The following ABCA6 variants were observed in gnomAD, a reference collection of about 807,000 sequenced individuals.
The protein encoded by ABCA6 is ATP binding cassette subfamily A member 6.
Under a neutral mutation model 191.2 loss-of-function variants are expected in ABCA6, and 164 were observed. That is an observed-to-expected ratio of 0.86 (90% CI 0.76 to 0.98). The LOEUF (loss-of-function observed/expected upper bound fraction) is 0.98. Among genes scored for constraint, ABCA6 ranks in the 50% least tolerant of loss-of-function variants. The pLI is 0.00. For missense variants in ABCA6, 1,958 were observed against 1,894.1 expected, an observed-to-expected ratio of 1.03 and a Z score of -0.63; for synonymous variants, 636 against 647.7, an observed-to-expected ratio of 0.98 and a Z score of 0.27.
intron 10 of ABCA6, among the ~76,000 whole-genome samples, chr17:69,121,364 G>A (rs936551111): frequency 1.3e-5 from 2 of 152,106 alleles, no homozygotes; most frequent in African/African-American, 4.8e-5. Flanking sequence ...TGCCATTAAA[G>A]AGCTACAACA....
intron 26 of ABCA6, among the ~76,000 whole-genome samples, chr17:69,090,263 A>G (rs563843887): frequency 6.6e-6 from 1 of 152,328 alleles, no homozygotes; most frequent in Non-Finnish European, 1.5e-5. Flanking sequence ...CCTTAAAGCC[A>G]TTTCATCCAG....
intron 8 of ABCA6, among the ~76,000 whole-genome samples, chr17:69,126,752 C>T (rs1441561849): frequency 2.6e-5 from 4 of 152,106 alleles, no homozygotes; most frequent in African/African-American, 7.2e-5. Context: ...CTATTTTCTT[C>T]GAACTGATCG....
At chr17:69,128,511 A>C (rs2073796593) in intron 8 of ABCA6, 108 bp downstream of exon 8, 4 of 773,112 alleles carry the variant, frequency 5.2e-6, no homozygotes, top group Non-Finnish European at 7.4e-6. Context: ...ACTTTAGAAA[A>C]ATTGTTTAGA....
At chr17:69,131,949 A>G (rs1024090521) in intron 6 of ABCA6, among the ~76,000 whole-genome samples, 4 of 152,116 alleles carry the variant, frequency 2.6e-5, no homozygotes, top group Admixed American at 2.0e-4. Context: ...TTCCCTCCTA[A>G]CAGACTCCAT....
chr17:69,084,600 G>T, intron 32 of ABCA6, 93 bp from the exon 33 acceptor site: 6 of 1,100,200 alleles, frequency 5.5e-6, no homozygotes, highest in South Asian at 4.3e-5. Context: ...GGGAAGTTTA[G>T]TAATATTATT....
chr17:69,082,928 T>G lies in ABCA6; in HGVS notation c.4561A>C (p.Thr1521Pro). 6.2e-7 allele frequency: 1 copy of G among 1,614,174 alleles called. No individual in the cohort carries two copies. Among genetic ancestry groups the G allele is most frequent in the Non-Finnish European group, 8.5e-7 (1 of 1,180,004 alleles). The change falls in exon 36 of 39, where the codon ACT becomes CCT. Residue 1521 changes from threonine to proline, a missense_variant. Coordinates refer to ENST00000284425, the MANE Select transcript of ABCA6 (RefSeq NM_080284.3). ...ELKVKETSQV[T>P]LVHTEILKLF... ...TTCAGAATCTCAGTGTGGACCAAAG[T>G]CACTTGAGACGTTTCCTTCACTTTT...
intron 16 of ABCA6, chr17:69,111,364 G>T (rs1285026368): frequency 6.5e-6 from 1 of 153,654 alleles, no homozygotes; most frequent in Non-Finnish European, 1.4e-5. Context: ...ATTTTAGCCT[G>T]GATATACACC....
At chr17:69,089,192 C>T (rs2072872167) in intron 27 of ABCA6, among the ~76,000 whole-genome samples, 1 of 152,138 alleles carries the variant, frequency 6.6e-6, no homozygotes, top group Non-Finnish European at 1.5e-5. Context: ...TATTGCATCT[C>T]TATTTTTTAC....
Position 69,134,697 on chromosome 17 carries a change from T to A in ABCA6, c.506A>T (p.Lys169Ile). ...GYGEFSCTLT[K>I]YWNRGFVALQ... is the part of the protein sequence containing the mutation. The stretch of plus-strand genomic sequence containing the variant: ...AGCCACAAATCCTCTATTCCAGTAT[T>A]TGGTCAATGTACATGAAAACTCACC... Residue 169 changes from lysine (K) to isoleucine (I), a missense_variant, in exon 5 of 39, where the codon AAA (lysine) becomes ATA (isoleucine). Lys to Ile is a moderately radical substitution (Grantham distance 102). Coordinates refer to ENST00000284425, the MANE Select transcript of ABCA6 (RefSeq NM_080284.3). The A allele has an allele frequency of 6.2e-7, 1 of 1,613,808 alleles. No individual in the cohort carries two copies.
At chr17:69,079,183 G>A (rs907289657) in intron 38 of ABCA6, 27 bp downstream of exon 38, 1 of 1,601,360 alleles carries the variant, frequency 6.2e-7, no homozygotes, top group Non-Finnish European at 8.5e-7. Flanking sequence ...TTTACCAGAT[G>A]ATACAAAGTC....
intron 11 of ABCA6, chr17:69,115,853 T>C (rs2073528265): frequency 6.5e-6 from 1 of 154,258 alleles, no homozygotes; most frequent in Non-Finnish European, 1.4e-5. Context: ...TTAACAAATT[T>C]TATGTTTGTA....
intron 22 of ABCA6, among the ~76,000 whole-genome samples, chr17:69,098,939 T>G (rs182917645): frequency 5.3e-5 from 8 of 152,188 alleles, no homozygotes; most frequent in African/African-American, 1.9e-4. Flanking sequence ...ATGGTCAATT[T>G]TATATCATGT....
chr17:69,081,438 T>C (rs988481687), intron 36 of ABCA6, among the ~76,000 whole-genome samples: 4 of 152,190 alleles, frequency 2.6e-5, no homozygotes, highest in African/African-American at 9.7e-5. Flanking sequence ...TTAGTTCGAA[T>C]TAGGTTGGGA....
intron 15 of ABCA6, chr17:69,112,603 T>C (rs964450377): frequency 2.5e-5 from 6 of 244,314 alleles, no homozygotes; most frequent in African/African-American, 7.0e-5. Context: ...AGCTAAAAAA[T>C]GGGTACACAT....
chr17:69,089,623 A>G, intron 26 of ABCA6, 81 bp from the exon 27 acceptor site: 1 of 1,180,552 alleles, frequency 8.5e-7, no homozygotes, highest in Non-Finnish European at 1.2e-6. Flanking sequence ...TATAAAATTC[A>G]CATATTGAAT....
intron 23 of ABCA6, among the ~76,000 whole-genome samples, chr17:69,097,600 T>G (rs183275880): frequency 8.7e-4 from 132 of 152,292 alleles, no homozygotes; most frequent in Non-Finnish European, 1.5e-3. Flanking sequence ...AAATTTGGCC[T>G]TTGATTTCAA....
At chr17:69,108,353 C>G (rs9892453) in intron 17 of ABCA6, 16,412 of 153,150 alleles carry the variant, frequency 0.11, 2,991 homozygotes, top group African/African-American at 0.37. Context: ...GTGCCCTTGA[C>G]CATTTTCTTC....
chr17:69,079,018 A>G lies in ABCA6; in HGVS notation c.4809T>C (p.Asp1603=). 1 of 1,612,726 alleles carries G rather than the reference A, an allele frequency of 6.2e-7. No individual in the cohort carries two copies. Among genetic ancestry groups the G allele is most frequent in the Non-Finnish European group, 8.5e-7 (1 of 1,179,460 alleles). ...GGAGGAGTTTCCATCTCATTGTTGT[A>G]TCAATTTCTTCATCAAAATTTCCTA... ...QEVGNFDEEI[D]TTMRWKLLPH... Residue 1603 remains aspartate, a synonymous_variant, in exon 39 of 39, where the codon GAT becomes GAC. Coordinates refer to ENST00000284425, the MANE Select transcript of ABCA6 (RefSeq NM_080284.3).
intron 37 of ABCA6, among the ~76,000 whole-genome samples, chr17:69,080,232 A>C (rs2072596341): frequency 6.6e-6 from 1 of 152,078 alleles, no homozygotes; most frequent in Non-Finnish European, 1.5e-5. Flanking sequence ...TAAAATATTT[A>C]CTCATTTAAT....
Sources: allele counts gnomAD v4.1 joint callset (sites outside exome capture counted in the v4.1 genomes callset), GRCh38; gene constraint gnomAD v4.1.1; transcripts MANE v1.5; gene names NCBI Gene and HGNC (gene_info 2026-07-23, HGNC 2026-07-21).